Variants in F8 observed in about 807,000 individuals in gnomAD.
F8 encodes the protein coagulation factor VIII.
In F8, 12 loss-of-function variants were observed where a neutral mutation model predicts 140.6. The ratio of observed to expected loss-of-function variants is 0.09; its 90% CI spans 0.05 to 0.14. The LOEUF (loss-of-function observed/expected upper bound fraction) is 0.14, where lower values mean the gene tolerates loss of function less well. Among genes scored for constraint, F8 ranks in the 10% least tolerant of loss-of-function variants. The probability of loss-of-function intolerance (pLI) is 1.00; values close to 1 mark genes in which losing one functional copy is unlikely to be tolerated. For missense variants in F8, 1,354 were observed against 1,720.7 expected (o/e 0.79, Z 3.77); for synonymous variants, 585 against 614.6 (o/e 0.95, Z 0.71).
rs1557281236 is a variant in F8, at chrX:154,956,998, G to A, written c.1711C>T (p.Leu571Phe). The change falls in exon 11 of 26, where the codon CTC becomes TTC. Residue 571 changes from leucine to phenylalanine, a missense_variant. This residue lies in a region of F8 where 252 missense variants were observed against 338.5 expected (regional missense o/e 0.74). Transcript: ENST00000360256. ...DLASGLIGPLLICYKESVDQR... is the reference protein window; with the variant it reads ...DLASGLIGPLFICYKESVDQR... ...TCTACAGATTCTTTGTAGCAGATGA[G>A]GAGAGGGCCAATGAGTCCTGAAGCT... is the stretch of plus-strand genomic sequence containing the variant. 1 of 1,211,506 alleles carries A rather than the reference G, an allele frequency of 8.3e-7. No homozygotes were observed. Among genetic ancestry groups the A allele is most frequent in the Non-Finnish European group, 1.1e-6 (1 of 895,184 alleles).
chrX:154,984,952 C>A, intron 5 of F8, 149 bp from the exon 6 acceptor site: 1 of 529,681 alleles, frequency 1.9e-6, no homozygotes, highest in Non-Finnish European at 3.4e-6. Flanking sequence ...CTCTCAAAGT[C>A]AGTGTGAGGG....
intron 22 of F8, among the ~76,000 whole-genome samples, chrX:154,866,800 GA>G (rs1330074059): frequency 1.2e-4 from 12 of 97,498 alleles, no homozygotes; most frequent in Admixed American, 3.3e-4. Flanking sequence ...ACAAAAAGAA[GA>G]AAAAAAAAAC....
chrX:154,845,536 C>G (rs1298084815), intron 25 of F8, among the ~76,000 whole-genome samples: 3 of 111,661 alleles, frequency 2.7e-5, no homozygotes, highest in East Asian at 2.8e-4. Flanking sequence ...TGTATGTGTC[C>G]AGGAATTTAT....
chrX:154,926,605 G>T (rs1219566438), intron 14 of F8, among the ~76,000 whole-genome samples: 1 of 111,289 alleles, frequency 9.0e-6, no homozygotes, highest in African/African-American at 3.3e-5. Context: ...TGAACTCTGG[G>T]GCTCAACCAA....
intron 14 of F8, among the ~76,000 whole-genome samples, chrX:154,910,135 T>C (rs1295344265): frequency 9.0e-6 from 1 of 111,491 alleles, no homozygotes; most frequent in Admixed American, 9.5e-5. Context: ...CGCAGAGACA[T>C]GTGCGGTGTT....
chrX:155,012,948 T>C (rs782223991), intron 1 of F8, among the ~76,000 whole-genome samples: 7 of 108,809 alleles, frequency 6.4e-5, no homozygotes, highest in South Asian at 7.9e-4. Context: ...AGATCGAGAC[T>C]ATCCTGGCTA....
intron 6 of F8, among the ~76,000 whole-genome samples, chrX:154,984,485 G>A (rs782630413): frequency 1.8e-5 from 2 of 111,818 alleles, no homozygotes; most frequent in African/African-American, 6.5e-5. Flanking sequence ...ACTGTGGGCT[G>A]TATGTACATG....
At chrX:154,986,727 T>C (rs1478702367) in intron 5 of F8, among the ~76,000 whole-genome samples, 1 of 111,246 alleles carries the variant, frequency 9.0e-6, no homozygotes, top group Non-Finnish European at 1.9e-5. Context: ...GCAAGAAGAA[T>C]ATTATGTTAC....
At chrX:154,982,465 ATAT>A (rs1462360612) in intron 6 of F8, among the ~76,000 whole-genome samples, 3 of 90,710 alleles carry the variant, frequency 3.3e-5, no homozygotes, top group African/African-American at 1.4e-4. Context: ...AAAAAAAAAA[ATAT>A]ATATATATAT....
intron 7 of F8, among the ~76,000 whole-genome samples, chrX:154,967,332 G>A (rs1196481648): frequency 5.3e-5 from 6 of 112,229 alleles, no homozygotes; most frequent in African/African-American, 1.6e-4. Flanking sequence ...ATGTCTGCCT[G>A]TGACTAGTTG....
chrX:155,001,212 A>C (rs2073644309), intron 1 of F8, among the ~76,000 whole-genome samples: 1 of 111,401 alleles, frequency 9.0e-6, no homozygotes, highest in African/African-American at 3.3e-5. Flanking sequence ...GCAATCTAAA[A>C]ATGGTGAAAA....
chrX:154,863,364 T>C (rs1037263298), intron 22 of F8, 137 bp from the exon 23 acceptor site: 2 of 562,970 alleles, frequency 3.6e-6, no homozygotes, highest in Non-Finnish European at 6.1e-6. Flanking sequence ...CAACTATGGT[T>C]AGATGGATGT....
At chrX:154,954,901 T>C (rs2073355690) in intron 11 of F8, among the ~76,000 whole-genome samples, 1 of 111,701 alleles carries the variant, frequency 9.0e-6, no homozygotes, top group African/African-American at 3.3e-5. Flanking sequence ...TCATATACTT[T>C]ACTCTCTAAA....
chrX:154,973,353 A>G (rs2073468719), intron 6 of F8, among the ~76,000 whole-genome samples: 1 of 112,487 alleles, frequency 8.9e-6, no homozygotes, highest in Non-Finnish European at 1.9e-5. Context: ...GTGGTTCCAC[A>G]CAAATCTTAG....
At chrX:154,999,651 C>T (rs2073636778) in intron 1 of F8, 51 bp from the exon 2 acceptor site, 3 of 1,176,946 alleles carry the variant, frequency 2.5e-6, no homozygotes, top group Non-Finnish European at 2.3e-6. Context: ...CTTCAAAAAG[C>T]AGCTGGAAGT....
intron 8 of F8, 74 bp from the exon 9 acceptor site, chrX:154,966,215 C>A: frequency 9.6e-7 from 1 of 1,037,411 alleles, no homozygotes; most frequent in Non-Finnish European, 1.3e-6. Context: ...TCTAAAACAG[C>A]TTATATGATT....
intron 9 of F8, among the ~76,000 whole-genome samples, chrX:154,963,734 A>T (rs1423070478): frequency 5.4e-5 from 6 of 111,971 alleles, no homozygotes; most frequent in Non-Finnish European, 1.1e-4. Context: ...ATTTTGAGGT[A>T]ATGTTTAAGT....
At chrX:154,998,325 C>T (rs1400059314) in intron 2 of F8, among the ~76,000 whole-genome samples, 1 of 113,241 alleles carries the variant, frequency 8.8e-6, no homozygotes, top group Non-Finnish European at 1.9e-5. Context: ...CCACCTTCCT[C>T]TCCTAATCTT....
rs950401695 is a variant in F8, at chrX:154,836,887, T to C, written c.*710A>G. 8.9e-6 allele frequency: 1 copy of C among 112,514 alleles called. No individual in the cohort carries two copies. The highest frequency in any genetic ancestry group is 9.4e-5 in the Admixed American group (1 of 10,625). 9.3% of individuals were successfully genotyped at this position (112,514 alleles called of 1,213,427 possible). A position where few individuals can be genotyped will look rare whatever the true frequency, so the allele number is the denominator to read the frequency against. Reference sequence around the variant, plus strand: ...CGTCAGAAAAATGCACATTTGCATTTATACAGAATGCCTTATATAATTTCA... The same window carrying C: ...CGTCAGAAAAATGCACATTTGCATTCATACAGAATGCCTTATATAATTTCA... On this transcript the variant is annotated 3_prime_UTR_variant, in exon 26 of 26. Coordinates refer to ENST00000360256, the MANE Select transcript of F8 (RefSeq NM_000132.4).
Sources: allele counts gnomAD v4.1 joint callset (sites outside exome capture counted in the v4.1 genomes callset), GRCh38; gene constraint gnomAD v4.1.1; regional missense constraint gnomAD v4.1.1; transcripts MANE v1.5; gene names NCBI Gene and HGNC (gene_info 2026-07-23, HGNC 2026-07-21).